The following MAGI1 variants were observed in gnomAD, a reference collection of about 807,000 sequenced individuals.
The protein encoded by MAGI1 is membrane-associated guanylate kinase, WW and PDZ domain-containing protein 1.
A neutral mutation model predicts 139.9 loss-of-function variants in MAGI1; 58 were observed. That is an observed-to-expected ratio of 0.41 (90% CI 0.34 to 0.52). The LOEUF (loss-of-function observed/expected upper bound fraction) is 0.52, where lower values mean the gene tolerates loss of function less well. MAGI1 is among the 20% of genes least tolerant of loss of function. The probability of loss-of-function intolerance (pLI) is 0.12; values close to 1 mark genes in which losing one functional copy is unlikely to be tolerated. For synonymous variants in MAGI1, 812 were observed against 737.9 expected (o/e 1.10, Z -1.63); for missense variants, 1,874 against 1,901.6 (o/e 0.99, Z 0.27).
At chr3:65,553,696 T>C (rs969432011) in intron 2 of MAGI1, among the ~76,000 whole-genome samples, 7 of 152,210 alleles carry the variant, frequency 4.6e-5, no homozygotes, top group African/African-American at 1.4e-4. Flanking sequence ...GGATATGCTA[T>C]ATATTTTTTC....
At chr3:65,988,429 C>G (rs911567546) in intron 1 of MAGI1, among the ~76,000 whole-genome samples, 2 of 152,166 alleles carry the variant, frequency 1.3e-5, no homozygotes, top group Non-Finnish European at 2.9e-5. Context: ...TCAGTCACAT[C>G]ACTCCAGATG....
intron 1 of MAGI1, among the ~76,000 whole-genome samples, chr3:65,790,100 A>G (rs527316571): frequency 9.2e-5 from 14 of 152,350 alleles, no homozygotes; most frequent in African/African-American, 3.4e-4. Flanking sequence ...AAAGCCAACA[A>G]CTACTTGGGA....
chr3:65,805,545 C>A (rs142526368), intron 1 of MAGI1, among the ~76,000 whole-genome samples: 1 of 152,280 alleles, frequency 6.6e-6, no homozygotes, highest in African/African-American at 2.4e-5. Context: ...CCTCAAGGAT[C>A]TAGAACCAGA....
chr3:65,721,411 C>A (rs1408462592), intron 1 of MAGI1, among the ~76,000 whole-genome samples: 1 of 152,132 alleles, frequency 6.6e-6, no homozygotes, highest in Non-Finnish European at 1.5e-5. Context: ...ATAATTAGGT[C>A]AGGATAAGGT....
intron 2 of MAGI1, among the ~76,000 whole-genome samples, chr3:65,582,653 C>T (rs560849710): frequency 3.7e-4 from 56 of 152,226 alleles, no homozygotes; most frequent in African/African-American, 1.3e-3. Context: ...AGGGATTTCC[C>T]TTTGCATCCT....
At chr3:65,360,554 C>G in intron 22 of MAGI1, 1 of 984,874 alleles carries the variant, frequency 1.0e-6, no homozygotes, top group Non-Finnish European at 1.2e-6. Context: ...ATGTTTCCCT[C>G]ATGATGAGCA....
At chr3:65,702,037 G>A (rs1291369804) in intron 1 of MAGI1, among the ~76,000 whole-genome samples, 1 of 151,914 alleles carries the variant, frequency 6.6e-6, no homozygotes, top group African/African-American at 2.4e-5. Context: ...TGGCCCTTAG[G>A]AAATCTACCC....
intron 1 of MAGI1, among the ~76,000 whole-genome samples, chr3:65,658,597 G>A (rs1281438850): frequency 6.6e-6 from 1 of 152,158 alleles, no homozygotes; most frequent in African/African-American, 2.4e-5. Context: ...GTAGGACTGG[G>A]ATGAGTCCTT....
At chr3:65,709,511 A>C (rs2030999103) in intron 1 of MAGI1, among the ~76,000 whole-genome samples, 1 of 152,192 alleles carries the variant, frequency 6.6e-6, no homozygotes, top group Non-Finnish European at 1.5e-5. Flanking sequence ...AAAATATTTA[A>C]ACCTCTTTTA....
rs367989645 is a variant in MAGI1 at position 65,440,447 on chromosome 3, A to T, written c.1137-435T>A. ...CTCCAAATGTCCAAGATACCACCTG[A>T]CAGGGGAAGCTGCTTTAATTCAATA... is the stretch of plus-strand genomic sequence containing the variant. On this transcript the variant is annotated intron_variant, in intron 8 of 22. Transcript: ENST00000402939. Among the ~76,000 whole-genome samples, 5 of 152,266 alleles carry T rather than the reference A, an allele frequency of 3.3e-5. No individual in the cohort carries two copies. In the South Asian group the frequency reaches 1.0e-3, roughly 32 times the overall value.
chr3:65,607,882 A>T (rs1371227764), intron 2 of MAGI1, among the ~76,000 whole-genome samples: 1 of 152,220 alleles, frequency 6.6e-6, no homozygotes. Flanking sequence ...AGAATAGCAC[A>T]TAAGAAAAGA....
intron 2 of MAGI1, among the ~76,000 whole-genome samples, chr3:65,615,453 A>C (rs2083321981): frequency 1.3e-5 from 2 of 152,120 alleles, no homozygotes; most frequent in Admixed American, 1.3e-4. Flanking sequence ...AGGAAAACTC[A>C]CTTCTCCCCT....
In MAGI1 at chr3:66,024,330, A is replaced by G. The variant is rs1247224624; in HGVS notation, c.313+13666T>C. On this transcript the variant is annotated intron_variant, in intron 1 of 22. Transcript: ENST00000402939. Reference sequence around the variant, plus strand: ...CAAAGTTCATTAAAAAAAAAAAAAAAAAAAAAAAGAACAGGCTTCTGGTTC... The same window carrying G: ...CAAAGTTCATTAAAAAAAAAAAAAAGAAAAAAAAGAACAGGCTTCTGGTTC... Among the ~76,000 whole-genome samples the G allele has an allele frequency of 2.0e-5, 3 of 150,924 alleles. No homozygotes were observed. In the East Asian group the frequency reaches 5.8e-4, roughly 29 times the overall value.
At chr3:65,879,599 T>A (rs1224877026) in intron 1 of MAGI1, among the ~76,000 whole-genome samples, 1 of 152,138 alleles carries the variant, frequency 6.6e-6, no homozygotes, top group Non-Finnish European at 1.5e-5. Flanking sequence ...GCAAAGTTCT[T>A]AACCTCTCTG....
intron 1 of MAGI1, among the ~76,000 whole-genome samples, chr3:66,018,945 G>A (rs2067818458): frequency 6.6e-6 from 1 of 150,878 alleles, no homozygotes. Context: ...TATCTTCCCT[G>A]AGCCATATCC....
At chr3:65,681,691 C>CA (rs2087601289) in intron 1 of MAGI1, among the ~76,000 whole-genome samples, 1 of 152,190 alleles carries the variant, frequency 6.6e-6, no homozygotes, top group Non-Finnish European at 1.5e-5. Flanking sequence ...AAACAAAGCA[C>CA]TCATAGATAA....
chr3:65,995,989 C>A (rs573574270), intron 1 of MAGI1, among the ~76,000 whole-genome samples: 3 of 152,052 alleles, frequency 2.0e-5, no homozygotes, highest in Non-Finnish European at 4.4e-5. Context: ...CAGAGAAAGA[C>A]CCTTTCTCAA....
intron 1 of MAGI1, among the ~76,000 whole-genome samples, chr3:65,668,740 G>C (rs1246297695): frequency 1.3e-5 from 2 of 151,310 alleles, no homozygotes; most frequent in Non-Finnish European, 2.9e-5. Context: ...TTTTAGTAGA[G>C]ACGGGGTTTC....
intron 1 of MAGI1, among the ~76,000 whole-genome samples, chr3:65,898,368 T>C (rs1451663036): frequency 1.3e-5 from 2 of 152,102 alleles, no homozygotes; most frequent in Admixed American, 6.6e-5. Flanking sequence ...AAGGCAGTAA[T>C]ATGGAAGAGT....
Sources: allele counts gnomAD v4.1 joint callset (sites outside exome capture counted in the v4.1 genomes callset), GRCh38; gene constraint gnomAD v4.1.1; transcripts MANE v1.5; gene names NCBI Gene and HGNC (gene_info 2026-07-23, HGNC 2026-07-21).